The following GRM3 variants were observed in gnomAD, a reference collection of about 807,000 sequenced individuals.
GRM3 encodes the protein glutamate metabotropic receptor 3, also known as metabotropic glutamate receptor 3.
In GRM3, 26 loss-of-function variants were observed where a neutral mutation model predicts 70.5. The ratio of observed to expected loss-of-function variants is 0.37; its 90% CI spans 0.27 to 0.51. The LOEUF (loss-of-function observed/expected upper bound fraction) is 0.51, where lower values mean the gene tolerates loss of function less well. Among genes scored for constraint, GRM3 ranks in the 20% least tolerant of loss-of-function variants. The probability of loss-of-function intolerance (pLI) is 0.93; values close to 1 mark genes in which losing one functional copy is unlikely to be tolerated. For synonymous variants in GRM3, 443 were observed against 434.9 expected (o/e 1.02, Z -0.23); for missense variants, 859 against 1,123.8 (o/e 0.76, Z 3.37).
intron 1 of GRM3, among the ~76,000 whole-genome samples, chr7:86,648,219 C>G (rs1562812050): frequency 6.6e-6 from 1 of 152,136 alleles, no homozygotes; most frequent in African/African-American, 2.4e-5. Flanking sequence ...ATTTAATTTA[C>G]TAATGTAAGA....
intron 2 of GRM3, among the ~76,000 whole-genome samples, chr7:86,784,868 A>T (rs1797183922): frequency 1.3e-5 from 2 of 152,224 alleles, no homozygotes; most frequent in Admixed American, 1.3e-4. Flanking sequence ...TATTTTTGAT[A>T]GCTCTGGACT....
rs1255345234 is a variant in GRM3, at chr7:86,644,521, C to T, written c.-492C>T. 8.2e-6 allele frequency: 3 copies of T among 365,630 alleles called. No individual in the cohort carries two copies. The highest frequency in any genetic ancestry group is 4.3e-5 in the African/African-American group (2 of 46,956). The allele number at this position is 365,630 out of a possible 1,614,324, so 22.6% of individuals were successfully genotyped here. A position where few individuals can be genotyped will look rare whatever the true frequency, so the allele number is the denominator to read the frequency against. ...GAGCTCCCCTCCCCTCCGCGGAAGACCACTGGGTCCCCTCTTTCCCCAACC... is the reference window on the plus strand; with the variant it reads ...GAGCTCCCCTCCCCTCCGCGGAAGATCACTGGGTCCCCTCTTTCCCCAACC... On this transcript the variant is annotated 5_prime_UTR_variant, in exon 1 of 6. Transcript: ENST00000361669.
chr7:86,675,517 AAC>A (rs1269506320), intron 1 of GRM3, among the ~76,000 whole-genome samples: 2 of 152,046 alleles, frequency 1.3e-5, no homozygotes, highest in Admixed American at 6.6e-5. Flanking sequence ...AAGTAACACT[AAC>A]ACAGAGAATA....
At chr7:86,826,517 G>A (rs1287123522) in intron 3 of GRM3, among the ~76,000 whole-genome samples, 2 of 152,108 alleles carry the variant, frequency 1.3e-5, no homozygotes, top group Admixed American at 6.5e-5. Context: ...TAATTGAAAC[G>A]GCTGATGAAC....
At chr7:86,689,465 G>A (rs1015084601) in intron 1 of GRM3, among the ~76,000 whole-genome samples, 2 of 152,046 alleles carry the variant, frequency 1.3e-5, no homozygotes, top group Non-Finnish European at 2.9e-5. Flanking sequence ...AATTCCTAAT[G>A]TAAAAAGGAA....
chr7:86,707,693 G>T (rs1161445923), intron 1 of GRM3, among the ~76,000 whole-genome samples: 1 of 152,048 alleles, frequency 6.6e-6, no homozygotes, highest in Non-Finnish European at 1.5e-5. Context: ...ACATAAAATG[G>T]TTGGCATAGT....
At chr7:86,856,124 T>G (rs895937529) in intron 5 of GRM3, among the ~76,000 whole-genome samples, 1 of 152,128 alleles carries the variant, frequency 6.6e-6, no homozygotes, top group Non-Finnish European at 1.5e-5. Flanking sequence ...CAGATAAATG[T>G]TAATCTATTT....
At chr7:86,764,764 G>T (rs1692866340) in intron 1 of GRM3, among the ~76,000 whole-genome samples, 1 of 152,078 alleles carries the variant, frequency 6.6e-6, no homozygotes, top group Non-Finnish European at 1.5e-5. Context: ...AGTACACTTT[G>T]TAAGGTCACC....
At chr7:86,860,585 G>C (rs1225164981) in intron 5 of GRM3, among the ~76,000 whole-genome samples, 2 of 152,168 alleles carry the variant, frequency 1.3e-5, no homozygotes, top group African/African-American at 4.8e-5. Context: ...CTTGTAAGAA[G>C]ACCTTGAATT....
intron 1 of GRM3, among the ~76,000 whole-genome samples, chr7:86,755,633 G>A (rs770883696): frequency 1.3e-5 from 2 of 152,074 alleles, no homozygotes; most frequent in Non-Finnish European, 2.9e-5. Context: ...GTGTGTGCCA[G>A]CTGGGTTTAA....
At chr7:86,802,543 G>A (rs886838489) in intron 3 of GRM3, among the ~76,000 whole-genome samples, 3 of 151,374 alleles carry the variant, frequency 2.0e-5, no homozygotes, top group Non-Finnish European at 2.9e-5. Flanking sequence ...ATCAGATTGC[G>A]CCAGATCAAT....
intron 3 of GRM3, among the ~76,000 whole-genome samples, chr7:86,815,982 A>T (rs1798006784): frequency 6.6e-6 from 1 of 151,930 alleles, no homozygotes; most frequent in Non-Finnish European, 1.5e-5. Context: ...CATTGAGATT[A>T]TTTGACTCTA....
intron 4 of GRM3, among the ~76,000 whole-genome samples, chr7:86,846,170 A>G (rs1346901694): frequency 6.6e-6 from 1 of 152,186 alleles, no homozygotes; most frequent in Non-Finnish European, 1.5e-5. Context: ...TAAGCGCCCA[A>G]ATACAAATCA....
chr7:86,837,334 G>C (rs1279456881), intron 3 of GRM3, among the ~76,000 whole-genome samples: 1 of 152,146 alleles, frequency 6.6e-6, no homozygotes, highest in Non-Finnish European at 1.5e-5. Context: ...TCCCTAAACA[G>C]TGTTTCCTGG....
In GRM3 at chr7:86,667,884, T is replaced by G. The variant is rs1794069525; in HGVS notation, c.-141+23012T>G. On this transcript the variant is annotated intron_variant, in intron 1 of 5. Transcript: ENST00000361669. ...ATTACCTACCAAACCTTCTAGTCAC[T>G]TTCACCCACTCAATGAACAGAAGGC... is the stretch of plus-strand genomic sequence containing the variant. Among the ~76,000 whole-genome samples, 3 of 152,048 alleles carry G rather than the reference T, an allele frequency of 2.0e-5. No homozygotes were observed. In the South Asian group the frequency reaches 6.2e-4, roughly 32 times the overall value.
intron 1 of GRM3, among the ~76,000 whole-genome samples, chr7:86,751,789 A>G (rs1020633036): frequency 1.3e-5 from 2 of 152,136 alleles, no homozygotes; most frequent in African/African-American, 4.8e-5. Flanking sequence ...CTGCACGCCC[A>G]TCACTCACTT....
intron 3 of GRM3, among the ~76,000 whole-genome samples, chr7:86,817,593 C>T (rs1334036159): frequency 6.6e-6 from 1 of 151,808 alleles, no homozygotes; most frequent in Non-Finnish European, 1.5e-5. Flanking sequence ...ATTTAAAGTA[C>T]AACTAAGGCT....
intron 1 of GRM3, among the ~76,000 whole-genome samples, chr7:86,746,341 TTATATATATATATATATATA>T (rs59930404): frequency 1.1e-5 from 1 of 87,486 alleles, no homozygotes. Context: ...CAGTCATGTA[TTATATATATATATATATATA>T]TATATATATA....
chr7:86,789,200 T>C (rs1415198716), intron 3 of GRM3, among the ~76,000 whole-genome samples: 1 of 151,882 alleles, frequency 6.6e-6, no homozygotes, highest in Non-Finnish European at 1.5e-5. Flanking sequence ...CTGAAGAGAG[T>C]AGGAGGGTGA....
Sources: allele counts gnomAD v4.1 joint callset (sites outside exome capture counted in the v4.1 genomes callset), GRCh38; gene constraint gnomAD v4.1.1; transcripts MANE v1.5; gene names NCBI Gene and HGNC (gene_info 2026-07-23, HGNC 2026-07-21).